Variants in KCNH5 observed in about 807,000 individuals in gnomAD.
KCNH5 encodes potassium voltage-gated channel subfamily H member 5.
Under a neutral mutation model 96.1 loss-of-function variants are expected in KCNH5, and 46 were observed. The observed-to-expected ratio is 0.48, with a 90% CI of 0.38 to 0.61. The LOEUF is 0.61. Ranked by LOEUF, KCNH5 falls within the 20% of genes least tolerant of loss-of-function variation. The probability of loss-of-function intolerance (pLI) is 0.00; values close to 1 mark genes in which losing one functional copy is unlikely to be tolerated. For synonymous variants in KCNH5, 439 were observed against 449.8 expected, an observed-to-expected ratio of 0.98 and a Z score of 0.30; for missense variants, 907 against 1,225.8, an observed-to-expected ratio of 0.74 and a Z score of 3.88.
At chr14:62,968,741 T>C (rs947845752) in intron 6 of KCNH5, among the ~76,000 whole-genome samples, 4 of 152,184 alleles carry the variant, frequency 2.6e-5, no homozygotes, top group Non-Finnish European at 4.4e-5. Flanking sequence ...GGCTGGCAAT[T>C]AGATGTCAGG....
rs752865520 is a variant in KCNH5, at chr14:63,006,474, T to TG, written c.198-3dup. The TG allele has an allele frequency of 5.5e-5, 86 of 1,564,528 alleles. No individual in the cohort carries two copies. Among genetic ancestry groups the TG allele is most frequent in the Non-Finnish European group, 5.9e-5 (67 of 1,140,026 alleles). On this transcript the variant is annotated splice_polypyrimidine_tract_variant and splice_region_variant and intron_variant, in intron 2 of 10. Transcript: ENST00000322893. ...TCAGTCAATTCCCCATACATAAAAC[T>TG]GGGGGGGAAAAAAAACAAACAATCG...
chr14:62,726,454 A>C (rs944199033), intron 10 of KCNH5, among the ~76,000 whole-genome samples: 6 of 152,206 alleles, frequency 3.9e-5, no homozygotes, highest in Non-Finnish European at 5.9e-5. Flanking sequence ...TATTAAGAAC[A>C]AAGATAATTC....
chr14:63,009,029 G>A (rs1475383850), intron 2 of KCNH5, among the ~76,000 whole-genome samples: 1 of 152,000 alleles, frequency 6.6e-6, no homozygotes, highest in East Asian at 1.9e-4. Context: ...AATATTTGTA[G>A]TCTTAAAAGA....
chr14:62,703,762 C>A lies in KCNH5; in HGVS notation c.*3746G>T, dbSNP rs1884382694. 6.6e-6 allele frequency: 1 copy of A among 151,754 alleles called. No homozygotes were observed. Among genetic ancestry groups the A allele is most frequent in the South Asian group, 2.1e-4 (1 of 4,830 alleles). The allele number at this position is 151,754 out of a possible 1,614,324, so 9.4% of individuals were successfully genotyped here. On this transcript the variant is annotated 3_prime_UTR_variant, in exon 11 of 11. Transcript: ENST00000322893. Reference sequence around the variant, plus strand: ...TAAAATATTCATATTTGAAAGTTATCCATGTATGATATGCACATTCTAGAT... The same window carrying A: ...TAAAATATTCATATTTGAAAGTTATACATGTATGATATGCACATTCTAGAT...
intron 8 of KCNH5, among the ~76,000 whole-genome samples, chr14:62,836,368 C>T (rs1264575586): frequency 2.6e-5 from 4 of 152,220 alleles, no homozygotes; most frequent in South Asian, 4.1e-4. Flanking sequence ...TTCCAAGTTT[C>T]ATTGTTCCTG....
Position 63,045,121 on chromosome 14 carries a change from G to A in KCNH5, c.66C>T (p.Arg22=), listed in dbSNP as rs986639536. The A allele has an allele frequency of 1.5e-5, 25 of 1,613,572 alleles. No individual in the cohort carries two copies. The Middle Eastern group carries it at 8.3e-4, about 54-fold the overall frequency. The change falls in exon 1 of 11, where the codon CGC becomes CGT. Residue 22 remains arginine, a synonymous_variant. Coordinates refer to ENST00000322893, the MANE Select transcript of KCNH5 (RefSeq NM_139318.5). ...AACTACAACTCTCCTTACCACTGGA[G>A]CGCCTGACGATGTTCTCCAAAAATG... is the stretch of plus-strand genomic sequence containing the variant. ...QNTFLENIVR[R]SSESSFLLGN...
At chr14:62,745,551 C>T (rs984780371) in intron 10 of KCNH5, among the ~76,000 whole-genome samples, 3 of 152,132 alleles carry the variant, frequency 2.0e-5, no homozygotes, top group African/African-American at 7.2e-5. Context: ...TTTCTTTAAA[C>T]AATCCCTGGA....
At chr14:62,906,879 C>T (rs1049157300) in intron 7 of KCNH5, among the ~76,000 whole-genome samples, 5 of 152,030 alleles carry the variant, frequency 3.3e-5, no homozygotes, top group Non-Finnish European at 5.9e-5. Context: ...AGAATCCAAC[C>T]GACCCCAAAG....
intron 10 of KCNH5, among the ~76,000 whole-genome samples, chr14:62,711,982 C>T (rs768047436): frequency 3.3e-5 from 5 of 152,112 alleles, no homozygotes; most frequent in Non-Finnish European, 5.9e-5. Context: ...AGACACAAGC[C>T]CTAGGTCCTG....
intron 8 of KCNH5, among the ~76,000 whole-genome samples, chr14:62,820,510 G>T (rs1887093097): frequency 6.6e-6 from 1 of 151,696 alleles, no homozygotes. Flanking sequence ...CTTCCACTAG[G>T]CCTCAGTGTG....
intron 7 of KCNH5, among the ~76,000 whole-genome samples, chr14:62,907,506 A>G (rs1245519441): frequency 6.6e-6 from 1 of 152,188 alleles, no homozygotes; most frequent in East Asian, 1.9e-4. Flanking sequence ...TCTGGAAGGA[A>G]AGGGCAACTG....
At chr14:62,726,818 A>G (rs1257599725) in intron 10 of KCNH5, among the ~76,000 whole-genome samples, 1 of 152,170 alleles carries the variant, frequency 6.6e-6, no homozygotes, top group Non-Finnish European at 1.5e-5. Context: ...AGGCAGCAAC[A>G]CTGTTTATAA....
At chr14:62,979,647 TATC>T (rs1285293183) in intron 6 of KCNH5, among the ~76,000 whole-genome samples, 1 of 152,140 alleles carries the variant, frequency 6.6e-6, no homozygotes, top group Non-Finnish European at 1.5e-5. Context: ...TTAGTAATAT[TATC>T]ATAATGAACA....
chr14:62,999,316 T>C (rs1432561284), intron 4 of KCNH5, among the ~76,000 whole-genome samples: 1 of 152,240 alleles, frequency 6.6e-6, no homozygotes, highest in East Asian at 1.9e-4. Context: ...ATGTGTCTTT[T>C]GGCTGCATAA....
intron 6 of KCNH5, among the ~76,000 whole-genome samples, chr14:62,970,549 A>ATG (rs1399077098): frequency 4.6e-5 from 7 of 152,198 alleles, no homozygotes; most frequent in African/African-American, 1.7e-4. Context: ...GTACAAACTA[A>ATG]TATCTCTCAT....
At chr14:62,947,592 C>A (rs536615235) in intron 7 of KCNH5, among the ~76,000 whole-genome samples, 53 of 152,240 alleles carry the variant, frequency 3.5e-4, no homozygotes, top group African/African-American at 1.2e-3. Flanking sequence ...TGAAAACTAC[C>A]TGCTTAGACT....
chr14:63,004,505 C>T lies in KCNH5; in HGVS notation c.304+1861G>A, dbSNP rs1891089824. On this transcript the variant is annotated intron_variant, in intron 3 of 10. Transcript: ENST00000322893. Reference sequence around the variant, plus strand: ...ATAATTTCAATCCATTAACATAAGGCAAAATAACTAAACTACCTTGGAAAG... The same window carrying T: ...ATAATTTCAATCCATTAACATAAGGTAAAATAACTAAACTACCTTGGAAAG... 2.6e-5 allele frequency among the ~76,000 whole-genome samples: 4 copies of T among 152,116 alleles called. No individual in the cohort carries two copies. In the South Asian group the frequency reaches 6.2e-4, roughly 24 times the overall value.
At chr14:62,826,349 T>C (rs1238856873) in intron 8 of KCNH5, among the ~76,000 whole-genome samples, 8 of 151,940 alleles carry the variant, frequency 5.3e-5, no homozygotes, top group Non-Finnish European at 7.4e-5. Flanking sequence ...TTTACCCATC[T>C]CTTTATGTTT....
intron 6 of KCNH5, among the ~76,000 whole-genome samples, chr14:62,964,534 C>T (rs1272185645): frequency 2.6e-5 from 4 of 152,110 alleles, no homozygotes; most frequent in Admixed American, 2.0e-4. Context: ...GTTTTTCCCC[C>T]ACCAGAATAT....
Sources: allele counts gnomAD v4.1 joint callset (sites outside exome capture counted in the v4.1 genomes callset), GRCh38; gene constraint gnomAD v4.1.1; transcripts MANE v1.5; gene names NCBI Gene and HGNC (gene_info 2026-07-23, HGNC 2026-07-21).